The following CDH18 variants were observed in gnomAD, a reference collection of about 807,000 sequenced individuals.
CDH18 encodes cadherin-18.
CDH18 carries 31 observed loss-of-function variants against 67.9 expected under a neutral mutation model. That is an observed-to-expected ratio of 0.46 (90% CI 0.34 to 0.62). CDH18 has a LOEUF of 0.62. CDH18 is among the 20% of genes least tolerant of loss of function. The pLI, the probability that CDH18 is intolerant of heterozygous loss-of-function variation, is 0.01. For synonymous variants in CDH18, 362 were observed against 347.2 expected, an observed-to-expected ratio of 1.04 and a Z score of -0.48; for missense variants, 890 against 975.5, an observed-to-expected ratio of 0.91 and a Z score of 1.17.
intron 6 of CDH18, among the ~76,000 whole-genome samples, chr5:19,597,560 G>T (rs959589583): frequency 6.6e-6 from 1 of 151,868 alleles, no homozygotes; most frequent in Non-Finnish European, 1.5e-5. Flanking sequence ...CCTTATTGCT[G>T]ATTATTTCTC....
At chr5:20,184,813 A>G (rs952902248) in intron 2 of CDH18, among the ~76,000 whole-genome samples, 6 of 152,084 alleles carry the variant, frequency 3.9e-5, no homozygotes, top group Admixed American at 3.9e-4. Flanking sequence ...CTAATGCAAG[A>G]GGCACTGTCT....
chr5:20,082,153 T>G (rs550641259), intron 2 of CDH18, among the ~76,000 whole-genome samples: 1 of 151,668 alleles, frequency 6.6e-6, no homozygotes, highest in South Asian at 2.1e-4. Context: ...AAAGCAAACC[T>G]GTGATATTAA....
chr5:19,830,681 T>A (rs1457457491), intron 3 of CDH18, among the ~76,000 whole-genome samples: 1 of 152,096 alleles, frequency 6.6e-6, no homozygotes, highest in South Asian at 2.1e-4. Context: ...AATCCAGGTA[T>A]TGGGTATATG....
At chr5:20,184,179 C>T (rs1272957781) in intron 2 of CDH18, among the ~76,000 whole-genome samples, 2 of 151,992 alleles carry the variant, frequency 1.3e-5, no homozygotes, top group South Asian at 2.1e-4. Context: ...AACAAAATTT[C>T]CCTAATTATA....
chr5:19,736,089 T>A (rs937603616), intron 4 of CDH18, among the ~76,000 whole-genome samples: 1 of 152,194 alleles, frequency 6.6e-6, no homozygotes, highest in African/African-American at 2.4e-5. Context: ...TATCTCTGAA[T>A]AAAGCACTTG....
intron 5 of CDH18, among the ~76,000 whole-genome samples, chr5:19,633,915 A>G (rs971708844): frequency 6.6e-6 from 1 of 152,224 alleles, no homozygotes; most frequent in South Asian, 2.1e-4. Flanking sequence ...TACAAGTATT[A>G]GCCACCATTC....
intron 1 of CDH18, among the ~76,000 whole-genome samples, chr5:20,540,806 G>A (rs1439030792): frequency 2.0e-5 from 3 of 152,116 alleles, no homozygotes; most frequent in Non-Finnish European, 4.4e-5. Context: ...AAAACTTTAG[G>A]GCTACATTCC....
intron 2 of CDH18, among the ~76,000 whole-genome samples, chr5:20,129,621 T>C (rs1349608267): frequency 1.3e-5 from 2 of 152,066 alleles, no homozygotes; most frequent in African/African-American, 2.4e-5. Context: ...ACTTACTATT[T>C]CTTTGTTGTT....
At chr5:20,528,676 C>T (rs989206226) in intron 1 of CDH18, among the ~76,000 whole-genome samples, 1 of 151,056 alleles carries the variant, frequency 6.6e-6, no homozygotes, top group Non-Finnish European at 1.5e-5. Flanking sequence ...AAAATTAAGC[C>T]ACAAATCTTT....
chr5:19,551,341 T>C (rs1308039371), intron 8 of CDH18, among the ~76,000 whole-genome samples: 1 of 152,150 alleles, frequency 6.6e-6, no homozygotes, highest in African/African-American at 2.4e-5. Flanking sequence ...TAAAGATCAA[T>C]TCCAGGAAAA....
intron 11 of CDH18, among the ~76,000 whole-genome samples, chr5:19,491,684 C>T (rs921872547): frequency 7.9e-5 from 12 of 152,186 alleles, no homozygotes; most frequent in African/African-American, 1.7e-4. Flanking sequence ...TATCTTCTTT[C>T]GCCAACCCCA....
intron 2 of CDH18, among the ~76,000 whole-genome samples, chr5:19,894,412 A>C (rs549267148): frequency 1.3e-5 from 2 of 152,232 alleles, no homozygotes; most frequent in East Asian, 3.9e-4. Context: ...TAATATGAGA[A>C]ATAGACATAG....
intron 1 of CDH18, among the ~76,000 whole-genome samples, chr5:20,503,240 C>CT (rs11348870): frequency 0.016 from 2,271 of 146,340 alleles, 30 homozygotes; most frequent in Middle Eastern, 0.032. Context: ...CTTTTTATTT[C>CT]TTTTTTTTTT....
intron 2 of CDH18, among the ~76,000 whole-genome samples, chr5:20,228,685 G>C (rs1321204019): frequency 6.6e-6 from 1 of 151,818 alleles, no homozygotes; most frequent in African/African-American, 2.4e-5. Context: ...ACTTTTTTAG[G>C]TTTTACATAT....
intron 1 of CDH18, among the ~76,000 whole-genome samples, chr5:20,296,165 C>T (rs1747497059): frequency 6.6e-6 from 1 of 151,462 alleles, no homozygotes; most frequent in South Asian, 2.1e-4. Context: ...TCAGCCATCG[C>T]GCCTGGCCGA....
chr5:20,053,466 C>T (rs867266920), intron 2 of CDH18, among the ~76,000 whole-genome samples: 1 of 151,930 alleles, frequency 6.6e-6, no homozygotes, highest in African/African-American at 2.4e-5. Context: ...TTCCAAAATA[C>T]TCTCCCCATC....
intron 2 of CDH18, among the ~76,000 whole-genome samples, chr5:20,079,458 A>T (rs563270847): frequency 6.6e-6 from 1 of 152,248 alleles, no homozygotes; most frequent in South Asian, 2.1e-4. Context: ...AAATCTACAT[A>T]TTGATGGATA....
chr5:19,714,511 ATT>A (rs5866395), intron 5 of CDH18, among the ~76,000 whole-genome samples: 6,909 of 144,862 alleles, frequency 0.048, 501 homozygotes, highest in African/African-American at 0.16. Flanking sequence ...ACAAAGTGAG[ATT>A]TTTTTTTTTT....
intron 11 of CDH18, chr5:19,502,663 C>T: frequency 6.6e-6 from 3 of 451,254 alleles, no homozygotes; most frequent in Non-Finnish European, 1.2e-5. Context: ...TCATTTTTTC[C>T]TAATTTGAAT....
Sources: allele counts gnomAD v4.1 joint callset (sites outside exome capture counted in the v4.1 genomes callset), GRCh38; gene constraint gnomAD v4.1.1; transcripts MANE v1.5; gene names NCBI Gene and HGNC (gene_info 2026-07-23, HGNC 2026-07-21).